The following ALK variants were observed in gnomAD, a reference collection of about 807,000 sequenced individuals.
ALK encodes the protein ALK receptor tyrosine kinase, also known as ALK tyrosine kinase receptor.
In ALK, 74 loss-of-function variants were observed where a neutral mutation model predicts 163.1. The ratio of observed to expected loss-of-function variants is 0.45; its 90% CI spans 0.38 to 0.55. The LOEUF is 0.55. ALK is among the 20% of genes least tolerant of loss of function. ALK has a pLI of 0.00. For synonymous variants in ALK, 960 were observed against 843.2 expected (o/e 1.14, Z -2.40); for missense variants, 2,063 against 2,105.3 (o/e 0.98, Z 0.39).
intron 4 of ALK, among the ~76,000 whole-genome samples, chr2:29,506,799 C>A (rs1205819681): frequency 6.6e-6 from 1 of 151,276 alleles, no homozygotes; most frequent in Non-Finnish European, 1.5e-5. Flanking sequence ...GTAAAGAAGA[C>A]CGAAACAGTG....
rs1664444147 is a variant in ALK, at chr2:29,238,675, C to T, written c.2355+1005G>A. The stretch of plus-strand genomic sequence containing the variant: ...AGCCACAGCGAAGACCAGTCACTCT[C>T]CCCACATGCCCCTGCTATGCCTTGC... On this transcript the variant is annotated intron_variant, in intron 13 of 28. Coordinates refer to ENST00000389048, the MANE Select transcript of ALK (RefSeq NM_004304.5). Among the ~76,000 whole-genome samples, 9 of 152,196 alleles carry T rather than the reference C, an allele frequency of 5.9e-5. No individual in the cohort carries two copies. The South Asian group carries it at 1.7e-3, about 28-fold the overall frequency.
chr2:29,565,769 C>T (rs114234263), intron 3 of ALK, among the ~76,000 whole-genome samples: 1 of 152,158 alleles, frequency 6.6e-6, no homozygotes, highest in Admixed American at 6.5e-5. Flanking sequence ...GCAAAACTGA[C>T]AGATTGTTCC....
At chr2:29,554,277 CTT>C (rs1405152795) in intron 3 of ALK, among the ~76,000 whole-genome samples, 2 of 152,156 alleles carry the variant, frequency 1.3e-5, no homozygotes, top group South Asian at 2.1e-4. Flanking sequence ...GAGTCACTAA[CTT>C]TGTGTTGTAA....
At chr2:29,873,563 G>T (rs1298942884) in intron 1 of ALK, among the ~76,000 whole-genome samples, 1 of 152,122 alleles carries the variant, frequency 6.6e-6, no homozygotes, top group Non-Finnish European at 1.5e-5. Context: ...AAAATCAGTG[G>T]AGCAAACCAA....
intron 3 of ALK, among the ~76,000 whole-genome samples, chr2:29,557,456 G>A (rs1418552369): frequency 6.6e-6 from 1 of 152,170 alleles, no homozygotes; most frequent in Admixed American, 6.5e-5. Flanking sequence ...CAGATCCTGG[G>A]TCTTTTGGCA....
intron 3 of ALK, among the ~76,000 whole-genome samples, chr2:29,639,825 G>A (rs138697261): frequency 1.5e-3 from 225 of 152,250 alleles, no homozygotes; most frequent in African/African-American, 5.2e-3. Flanking sequence ...AGGGAACAGG[G>A]AGTGCTGTCG....
intron 5 of ALK, among the ~76,000 whole-genome samples, chr2:29,329,427 T>C (rs1484044771): frequency 6.6e-6 from 1 of 152,196 alleles, no homozygotes; most frequent in Non-Finnish European, 1.5e-5. Flanking sequence ...TGATGTCAGA[T>C]GGGGAGACTC....
At chr2:29,197,270 T>C (rs1669046013) in intron 27 of ALK, among the ~76,000 whole-genome samples, 1 of 152,102 alleles carries the variant, frequency 6.6e-6, no homozygotes, top group Non-Finnish European at 1.5e-5. Context: ...GGGACACACA[T>C]TCCCAGCAGG....
rs189766126 is a variant in ALK, at chr2:29,841,393, C to A, written c.667+78600G>T. ...AAAGAAACTTAAAGCTAATCTAATCCAAGTTTCCTTAATGCAGCAACTGCT... is the reference window on the plus strand; with the variant it reads ...AAAGAAACTTAAAGCTAATCTAATCAAAGTTTCCTTAATGCAGCAACTGCT... On this transcript the variant is annotated intron_variant, in intron 1 of 28. Transcript: ENST00000389048. Among the ~76,000 whole-genome samples the A allele has an allele frequency of 2.1e-3, 327 of 152,326 alleles. 1 individual carries two copies. Among genetic ancestry groups the A allele is most frequent in the Non-Finnish European group, 2.9e-3 (199 of 68,024 alleles).
At chr2:29,774,135 GC>G (rs1280058480) in intron 1 of ALK, among the ~76,000 whole-genome samples, 47 of 152,256 alleles carry the variant, frequency 3.1e-4, no homozygotes, top group Admixed American at 1.9e-3. Flanking sequence ...TATCTTTGGT[GC>G]TATTTACAAA....
intron 3 of ALK, among the ~76,000 whole-genome samples, chr2:29,650,887 C>G (rs567194834): frequency 1.3e-5 from 2 of 152,256 alleles, no homozygotes; most frequent in East Asian, 3.9e-4. Context: ...GCTGCAACAG[C>G]TGCACAATGC....
chr2:29,776,543 G>A (rs1681181967), intron 1 of ALK, among the ~76,000 whole-genome samples: 1 of 152,182 alleles, frequency 6.6e-6, no homozygotes, highest in African/African-American at 2.4e-5. Flanking sequence ...GGAGTGAAAT[G>A]ATGGTGGTTG....
chr2:29,850,367 G>A (rs549185145), intron 1 of ALK, among the ~76,000 whole-genome samples: 54 of 152,324 alleles, frequency 3.5e-4, no homozygotes, highest in African/African-American at 1.2e-3. Context: ...ATGATGTGGG[G>A]AGGCAGGGGG....
chr2:29,420,525 T>C (rs752366056), intron 4 of ALK, among the ~76,000 whole-genome samples: 26 of 151,470 alleles, frequency 1.7e-4, no homozygotes, highest in Non-Finnish European at 3.5e-4. Context: ...CACCCTGAGT[T>C]TGTGAAACTG....
At chr2:29,820,136 G>C (rs1466492755) in intron 1 of ALK, among the ~76,000 whole-genome samples, 1 of 152,218 alleles carries the variant, frequency 6.6e-6, no homozygotes, top group Non-Finnish European at 1.5e-5. Context: ...TATGGTGTCA[G>C]TGACAGTATG....
intron 12 of ALK, among the ~76,000 whole-genome samples, chr2:29,247,194 T>G (rs1002488341): frequency 6.6e-6 from 1 of 152,094 alleles, no homozygotes; most frequent in African/African-American, 2.4e-5. Context: ...GGCAGCGCCT[T>G]GTGGAAACCT....
At chr2:29,433,358 A>C (rs1670324899) in intron 4 of ALK, among the ~76,000 whole-genome samples, 1 of 152,168 alleles carries the variant, frequency 6.6e-6, no homozygotes, top group Non-Finnish European at 1.5e-5. Context: ...ACGGATGTTG[A>C]CCACACTTTA....
chr2:29,478,628 G>T (rs753639523), intron 4 of ALK, among the ~76,000 whole-genome samples: 2 of 152,190 alleles, frequency 1.3e-5, no homozygotes. Context: ...ATACGCATAC[G>T]CAAGTCAGTT....
chr2:29,540,080 C>T (rs1269368541), intron 3 of ALK, among the ~76,000 whole-genome samples: 1 of 151,980 alleles, frequency 6.6e-6, no homozygotes, highest in African/African-American at 2.4e-5. Flanking sequence ...GTTATTTTAC[C>T]AAGGCCTTGA....
Sources: gnomAD v4.1 joint callset for allele counts (sites outside exome capture counted in the v4.1 genomes callset) on GRCh38, gnomAD v4.1.1 for gene constraint, MANE v1.5 for transcripts, NCBI Gene and HGNC (gene_info 2026-07-23, HGNC 2026-07-21) for gene names.